ELAPOR2: variants seen among roughly 807,000 people sequenced by gnomAD.
The protein encoded by ELAPOR2 is endosome-lysosome associated apoptosis and autophagy regulator family member 2, also known as endosome/lysosome-associated apoptosis and autophagy regulator family member 2.
A neutral mutation model predicts 120.7 loss-of-function variants in ELAPOR2; 89 were observed. The observed-to-expected ratio is 0.74, with a 90% CI of 0.62 to 0.88. ELAPOR2 has a LOEUF of 0.88. Among genes scored for constraint, ELAPOR2 ranks in the 40% least tolerant of loss-of-function variants. The pLI, the probability that ELAPOR2 is intolerant of heterozygous loss-of-function variation, is 0.00. For synonymous variants in ELAPOR2, 444 were observed against 444.9 expected (o/e 1.00, Z 0.03); for missense variants, 1,134 against 1,251.6 (o/e 0.91, Z 1.42).
chr7:87,022,928 T>C (rs1794107501), intron 1 of ELAPOR2, among the ~76,000 whole-genome samples: 1 of 152,110 alleles, frequency 6.6e-6, no homozygotes, highest in African/African-American at 2.4e-5. Flanking sequence ...ATGGGGTTGT[T>C]TTTTTCTTGT....
chr7:87,007,455 G>C (rs182382247), intron 1 of ELAPOR2, among the ~76,000 whole-genome samples: 1 of 152,120 alleles, frequency 6.6e-6, no homozygotes, highest in East Asian at 1.9e-4. Context: ...TTTTTAATAT[G>C]AACAGATATG....
At position 86,880,406 on chromosome 7, in the gene ELAPOR2, T is replaced by C; in HGVS notation, c.*65A>G. ...ACAGGTATGAGGACAGACCCTAAAA[T>C]ATGGTCCTGTAAAACTAGAGCAGGT... On this transcript the variant is annotated 3_prime_UTR_variant, in exon 22 of 22. Coordinates refer to ENST00000450689, the MANE Select transcript of ELAPOR2 (RefSeq NM_001142749.3). The C allele has an allele frequency of 1.7e-6, 2 of 1,175,388 alleles. No homozygotes were observed. Among genetic ancestry groups the C allele is most frequent in the East Asian group, 4.7e-5 (2 of 42,784 alleles). The allele number at this position is 1,175,388 out of a possible 1,614,324, so 72.8% of individuals were successfully genotyped here. A position where few individuals can be genotyped will look rare whatever the true frequency, so the allele number is the denominator to read the frequency against.
rs541385848 is a variant in ELAPOR2 at position 86,889,722 on chromosome 7, T to C, written c.3030+2002A>G. ...ACTAAAACCACAAAAAGTAAGACCA[T>C]GAAAAGTGAAACTGCAAATAAGGGA... On this transcript the variant is annotated intron_variant, in intron 21 of 21. Transcript: ENST00000450689. Among the ~76,000 whole-genome samples the C allele has an allele frequency of 1.8e-4, 28 of 152,102 alleles. 1 individual carries two copies. In the East Asian group the frequency reaches 5.2e-3, roughly 29 times the overall value.
rs1169076915 is a variant in ELAPOR2 at position 86,938,059 on chromosome 7, G to C, written c.1089+67C>G. ...ATAAATATCTCTCACGAACAAATTA[G>C]AGTCTGCTCAAATTGGAAAGAAGGT... On this transcript the variant is annotated intron_variant, in intron 8 of 21. Coordinates refer to ENST00000450689, the MANE Select transcript of ELAPOR2 (RefSeq NM_001142749.3). The C allele has an allele frequency of 8.6e-6, 10 of 1,158,618 alleles. No individual in the cohort carries two copies. The East Asian group carries it at 1.0e-4, about 12-fold the overall frequency. 71.8% of individuals were successfully genotyped at this position (1,158,618 alleles called of 1,614,324 possible). A position where few individuals can be genotyped will look rare whatever the true frequency, so the allele number is the denominator to read the frequency against.
At chr7:86,999,692 A>T (rs1485812354) in intron 1 of ELAPOR2, among the ~76,000 whole-genome samples, 2 of 152,174 alleles carry the variant, frequency 1.3e-5, no homozygotes, top group African/African-American at 4.8e-5. Context: ...TGTCTATGGT[A>T]GAAACATTCA....
intron 1 of ELAPOR2, among the ~76,000 whole-genome samples, chr7:86,981,058 T>C (rs1283380290): frequency 6.6e-6 from 1 of 152,138 alleles, no homozygotes; most frequent in Non-Finnish European, 1.5e-5. Flanking sequence ...GAGTTCTCTA[T>C]CTCCTTTCTG....
At chr7:86,927,427 C>G (rs1034619875) in intron 8 of ELAPOR2, among the ~76,000 whole-genome samples, 17 of 151,844 alleles carry the variant, frequency 1.1e-4, no homozygotes, top group Admixed American at 1.1e-3. Context: ...TAGTGGTTCT[C>G]GGAGTCTTTT....
chr7:86,939,266 A>G (rs531849840), intron 6 of ELAPOR2, among the ~76,000 whole-genome samples: 16 of 152,202 alleles, frequency 1.1e-4, no homozygotes, highest in African/African-American at 3.4e-4. Flanking sequence ...CTCCAATTCT[A>G]TAGGGCTATA....
chr7:86,940,921 G>A (rs775565602), intron 5 of ELAPOR2, among the ~76,000 whole-genome samples: 1 of 152,044 alleles, frequency 6.6e-6, no homozygotes, highest in Non-Finnish European at 1.5e-5. Context: ...AGTAAAAAAA[G>A]TATATTTATT....
chr7:86,881,790 T>C (rs1055086608), intron 21 of ELAPOR2, among the ~76,000 whole-genome samples: 3 of 152,118 alleles, frequency 2.0e-5, no homozygotes, highest in Non-Finnish European at 4.4e-5. Context: ...ATAAAGAGAA[T>C]AAAAATGAAG....
At chr7:86,975,628 C>T (rs1186653411) in intron 1 of ELAPOR2, among the ~76,000 whole-genome samples, 3 of 152,134 alleles carry the variant, frequency 2.0e-5, no homozygotes, top group Non-Finnish European at 4.4e-5. Flanking sequence ...CTTTGCAGTT[C>T]TGAGTGGGCC....
At position 86,897,668 on chromosome 7, in the gene ELAPOR2, G is replaced by T. The variant is rs1416702099; in HGVS notation, c.2559-36C>A. On this transcript the variant is annotated intron_variant, in intron 18 of 21. Transcript: ENST00000450689. ...AAACAAAACCAAAAACACATAAGTG[G>T]CAGCTTTTTAACCCATTCAATCCAC... 3.7e-6 allele frequency: 6 copies of T among 1,610,888 alleles called. No individual in the cohort carries two copies. In the African/African-American group the frequency reaches 6.7e-5, roughly 18 times the overall value.
At chr7:86,954,721 A>C (rs939848972) in intron 2 of ELAPOR2, among the ~76,000 whole-genome samples, 1 of 152,120 alleles carries the variant, frequency 6.6e-6, no homozygotes. Context: ...CCATCTTGTC[A>C]GTTAATATCA....
At chr7:87,019,401 C>T (rs12704322) in intron 1 of ELAPOR2, among the ~76,000 whole-genome samples, 18,862 of 152,028 alleles carry the variant, frequency 0.12, 1,516 homozygotes, top group Non-Finnish European at 0.16. Context: ...TGGGCTCAAG[C>T]GGTCTGCCCA....
chr7:86,970,306 C>T (rs1011883359), intron 1 of ELAPOR2, among the ~76,000 whole-genome samples: 10 of 152,156 alleles, frequency 6.6e-5, no homozygotes, highest in African/African-American at 2.2e-4. Context: ...AGAACACACA[C>T]AGATGGAAAG....
intron 1 of ELAPOR2, among the ~76,000 whole-genome samples, chr7:87,007,729 C>T (rs1209784994): frequency 6.6e-6 from 1 of 152,090 alleles, no homozygotes; most frequent in East Asian, 1.9e-4. Flanking sequence ...TAAAGAAGTG[C>T]TCAAAGAATG....
chr7:86,879,091 A>AT lies in ELAPOR2; in HGVS notation c.*1379dup, dbSNP rs1312621365. On this transcript the variant is annotated 3_prime_UTR_variant, in exon 22 of 22. Coordinates refer to ENST00000450689, the MANE Select transcript of ELAPOR2 (RefSeq NM_001142749.3). ...CTGCCTCTCTCAGCCAATCACAACTATTTTTTTAAATCTGCATTAAGGTCT... is the reference window on the plus strand; with the variant it reads ...CTGCCTCTCTCAGCCAATCACAACTATTTTTTTTAAATCTGCATTAAGGTCT... 1 of 152,090 alleles carries AT rather than the reference A, an allele frequency of 6.6e-6. No individual in the cohort carries two copies. The highest frequency in any genetic ancestry group is 1.9e-4 in the East Asian group (1 of 5,198). 9.4% of individuals were successfully genotyped at this position (152,090 alleles called of 1,614,324 possible). A position where few individuals can be genotyped will look rare whatever the true frequency, so the allele number is the denominator to read the frequency against.
intron 18 of ELAPOR2, among the ~76,000 whole-genome samples, chr7:86,902,776 T>C (rs762837096): frequency 1.1e-4 from 16 of 152,240 alleles, no homozygotes; most frequent in Non-Finnish European, 2.2e-4. Flanking sequence ...ATTCAGTCTG[T>C]GAGATGGGGG....
rs397698585 is a variant in ELAPOR2 at position 86,926,920 on chromosome 7, CA to C, written c.1090-5del. The C allele has an allele frequency of 0.16, 142,624 of 871,056 alleles. 23 individuals carry two copies. The highest frequency in any genetic ancestry group is 0.24 in the East Asian group (5,128 of 21,732). The allele number at this position is 871,056 out of a possible 1,614,324, so 54.0% of individuals were successfully genotyped here. A position where few individuals can be genotyped will look rare whatever the true frequency, so the allele number is the denominator to read the frequency against. On this transcript the variant is annotated splice_polypyrimidine_tract_variant and splice_region_variant and intron_variant, in intron 8 of 21. Transcript: ENST00000450689. ...TCCACTTGTACATTATCTGTGTCTA[CA>C]AAAAAAAAAAAAAAAAAAAAGCAAC...
Sources: gnomAD v4.1 joint callset for allele counts (sites outside exome capture counted in the v4.1 genomes callset) on GRCh38, gnomAD v4.1.1 for gene constraint, MANE v1.5 for transcripts, NCBI Gene and HGNC (gene_info 2026-07-23, HGNC 2026-07-21) for gene names.